Variants in LDB2 observed in about 807,000 individuals in gnomAD.
The protein encoded by LDB2 is LIM domain binding 2.
LDB2 carries 12 observed loss-of-function variants against 44.3 expected under a neutral mutation model. That is an observed-to-expected ratio of 0.27 (90% confidence interval 0.17 to 0.44). The LOEUF is 0.44. Ranked by LOEUF, LDB2 falls within the 20% of genes least tolerant of loss-of-function variation. The probability of loss-of-function intolerance (pLI) is 1.00; values close to 1 mark genes in which losing one functional copy is unlikely to be tolerated. For synonymous variants in LDB2, 164 were observed against 174.8 expected (o/e 0.94, Z 0.49); for missense variants, 344 against 473.5 (o/e 0.73, Z 2.54).
intron 1 of LDB2, among the ~76,000 whole-genome samples, chr4:16,790,912 A>AACCC (rs1775559985): frequency 1.9e-5 from 1 of 52,602 alleles, no homozygotes; most frequent in Non-Finnish European, 9.1e-5. Flanking sequence ...TTCAGTAGGC[A>AACCC]ATCCAGGACT....
chr4:16,766,510 A>G (rs2313974), intron 1 of LDB2, among the ~76,000 whole-genome samples: 15 of 127,030 alleles, frequency 1.2e-4, no homozygotes, highest in African/African-American at 3.5e-4. Flanking sequence ...GTGTGTATAT[A>G]TTTTTTTTTT....
In LDB2 at chr4:16,745,927, G is replaced by A. The variant is rs879806019; in HGVS notation, c.235+13231C>T. Among the ~76,000 whole-genome samples the A allele has an allele frequency of 4.5e-4, 69 of 152,068 alleles. 1 individual carries two copies. Among genetic ancestry groups the A allele is most frequent in the Non-Finnish European group, 8.5e-4 (58 of 67,994 alleles). On this transcript the variant is annotated intron_variant, in intron 2 of 7. Coordinates refer to ENST00000304523, the MANE Select transcript of LDB2 (RefSeq NM_001290.5). ...AAAAAAAGTTCTGAATAGTGGGATG[G>A]TAAAGGGTACACAGTATGGGCCTAT...
chr4:16,503,781 A>G (rs1718250922), intron 7 of LDB2, among the ~76,000 whole-genome samples: 2 of 152,204 alleles, frequency 1.3e-5, no homozygotes, highest in Admixed American at 6.5e-5. Context: ...GAATCCATCT[A>G]ATCACTCTTT....
intron 1 of LDB2, among the ~76,000 whole-genome samples, chr4:16,821,845 G>C (rs557196227): frequency 1.3e-5 from 2 of 149,942 alleles, no homozygotes; most frequent in South Asian, 4.2e-4. Flanking sequence ...AGTGAAACTA[G>C]TGGCCTCTAT....
At chr4:16,649,668 G>A (rs1737737633) in intron 2 of LDB2, among the ~76,000 whole-genome samples, 1 of 152,172 alleles carries the variant, frequency 6.6e-6, no homozygotes, top group Admixed American at 6.5e-5. Flanking sequence ...GTAAAATGGG[G>A]ATGCCAATGA....
intron 2 of LDB2, among the ~76,000 whole-genome samples, chr4:16,688,235 G>C (rs1170242902): frequency 1.3e-5 from 2 of 152,146 alleles, no homozygotes; most frequent in African/African-American, 4.8e-5. Flanking sequence ...AATGGATTCA[G>C]GAACTTGGAA....
intron 7 of LDB2, chr4:16,506,021 C>A (rs56328578): frequency 2.2e-5 from 34 of 1,544,334 alleles, no homozygotes; most frequent in Non-Finnish European, 2.9e-5. Flanking sequence ...AGGATTAAAC[C>A]CTAGCCCTCG....
intron 1 of LDB2, among the ~76,000 whole-genome samples, chr4:16,832,078 A>G (rs962744216): frequency 2.0e-5 from 3 of 152,202 alleles, no homozygotes; most frequent in Non-Finnish European, 4.4e-5. Flanking sequence ...TAAAACTGTT[A>G]TTTTGGGTAT....
chr4:16,813,251 G>T (rs1487918642), intron 1 of LDB2, among the ~76,000 whole-genome samples: 1 of 152,036 alleles, frequency 6.6e-6, no homozygotes, highest in East Asian at 1.9e-4. Flanking sequence ...CTCCCAAAGT[G>T]CTGGAATTAC....
At chr4:16,654,922 T>C (rs1354001726) in intron 2 of LDB2, among the ~76,000 whole-genome samples, 2 of 152,298 alleles carry the variant, frequency 1.3e-5, no homozygotes, top group African/African-American at 4.8e-5. Context: ...ATCCCAAAGA[T>C]GTGAATACAT....
intron 1 of LDB2, among the ~76,000 whole-genome samples, chr4:16,883,196 G>A (rs114040051): frequency 0.013 from 2,005 of 152,334 alleles, 21 homozygotes; most frequent in Middle Eastern, 0.058. Context: ...AGGAGGCTCA[G>A]AAGAGGGCCA....
chr4:16,797,617 C>T (rs1290686462), intron 1 of LDB2, among the ~76,000 whole-genome samples: 1 of 151,944 alleles, frequency 6.6e-6, no homozygotes, highest in African/African-American at 2.4e-5. Context: ...CTAGGGTTCT[C>T]TAGAATAGTT....
At chr4:16,834,883 T>C (rs1784652061) in intron 1 of LDB2, among the ~76,000 whole-genome samples, 1 of 151,612 alleles carries the variant, frequency 6.6e-6, no homozygotes, top group Non-Finnish European at 1.5e-5. Context: ...GTGTTCACTA[T>C]TGTACTCCCA....
At chr4:16,760,140 T>G (rs957694069) in intron 1 of LDB2, among the ~76,000 whole-genome samples, 3 of 152,178 alleles carry the variant, frequency 2.0e-5, no homozygotes, top group Non-Finnish European at 2.9e-5. Context: ...CCCAAAATTC[T>G]TAAGCACCAT....
At chr4:16,819,473 A>AAG in intron 1 of LDB2, among the ~76,000 whole-genome samples, 1 of 150,916 alleles carries the variant, frequency 6.6e-6, no homozygotes, top group East Asian at 1.9e-4. Context: ...AAAAAAAAAA[A>AAG]AAAAAAAGAA....
chr4:16,810,751 TC>T (rs1779694750), intron 1 of LDB2, among the ~76,000 whole-genome samples: 1 of 149,036 alleles, frequency 6.7e-6, no homozygotes, highest in African/African-American at 2.5e-5. Flanking sequence ...TCACGGAAGA[TC>T]CAGGGGGTCT....
chr4:16,622,916 CTT>C (rs1231943199), intron 2 of LDB2, among the ~76,000 whole-genome samples: 4 of 152,204 alleles, frequency 2.6e-5, no homozygotes, highest in Admixed American at 6.5e-5. Flanking sequence ...CTCTGATTAA[CTT>C]ATCATTCTGT....
chr4:16,838,815 T>G (rs954536932), intron 1 of LDB2, among the ~76,000 whole-genome samples: 1 of 152,218 alleles, frequency 6.6e-6, no homozygotes, highest in African/African-American at 2.4e-5. Flanking sequence ...AGCAAAAAGC[T>G]TAGTTCCATG....
At chr4:16,796,946 TG>T (rs1776849993) in intron 1 of LDB2, among the ~76,000 whole-genome samples, 1 of 152,088 alleles carries the variant, frequency 6.6e-6, no homozygotes, top group Admixed American at 6.5e-5. Context: ...TCTGAGAAAT[TG>T]TTCCAAGCAA....
Sources: allele counts gnomAD v4.1 joint callset (sites outside exome capture counted in the v4.1 genomes callset), GRCh38; gene constraint gnomAD v4.1.1; transcripts MANE v1.5; gene names NCBI Gene and HGNC (gene_info 2026-07-23, HGNC 2026-07-21).